The following MAP7 variants were observed in gnomAD, a reference collection of about 807,000 sequenced individuals.
The protein encoded by MAP7 is ensconsin.
Under a neutral mutation model 94.8 loss-of-function variants are expected in MAP7, and 52 were observed. The observed-to-expected ratio is 0.55, with a 90% CI of 0.44 to 0.69. The LOEUF (loss-of-function observed/expected upper bound fraction) is 0.69. Ranked by LOEUF, MAP7 falls within the 30% of genes least tolerant of loss-of-function variation. The pLI is 0.00. For missense variants in MAP7, 940 were observed against 964.6 expected, an observed-to-expected ratio of 0.97 and a Z score of 0.34; for synonymous variants, 350 against 357.0, an observed-to-expected ratio of 0.98 and a Z score of 0.22.
chr6:136,382,207 C>A (rs1245040842), intron 6 of MAP7, among the ~76,000 whole-genome samples: 1 of 152,178 alleles, frequency 6.6e-6, no homozygotes, highest in East Asian at 1.9e-4. Context: ...TTGATACAGA[C>A]AATTCAATGT....
Position 136,388,522 on chromosome 6 carries a change from T to G in MAP7, c.409-12A>C. ...GCTTCGTGGCGTTCCTTAGATGGAA[T>G]AGAAGAGCTGAGGATTAGATTCCAG... On this transcript the variant is annotated splice_polypyrimidine_tract_variant and intron_variant, in intron 4 of 17. Transcript: ENST00000354570. 1 of 1,605,822 alleles carries G rather than the reference T, an allele frequency of 6.2e-7. No homozygotes were observed. Among genetic ancestry groups the G allele is most frequent in the Non-Finnish European group, 8.5e-7 (1 of 1,172,556 alleles).
chr6:136,427,369 G>A (rs1793485614), intron 1 of MAP7, among the ~76,000 whole-genome samples: 1 of 152,228 alleles, frequency 6.6e-6, no homozygotes, highest in Non-Finnish European at 1.5e-5. Flanking sequence ...ACTGATTGAT[G>A]TTATTAATCT....
chr6:136,411,731 G>A (rs1787548942), intron 2 of MAP7, 34 bp from the exon 3 acceptor site: 5 of 1,401,120 alleles, frequency 3.6e-6, no homozygotes, highest in Admixed American at 2.5e-5. Flanking sequence ...ATGAGATGAA[G>A]AGTGGATTAA....
In MAP7 at chr6:136,537,139, CTCTT is replaced by C. The variant is rs1450692994; in HGVS notation, c.67+13199_67+13202del. 1.4e-3 allele frequency among the ~76,000 whole-genome samples: 204 copies of C among 150,070 alleles called. 1 individual carries two copies. The highest frequency in any genetic ancestry group is 4.2e-3 in the African/African-American group (173 of 40,928). On this transcript the variant is annotated intron_variant, in intron 1 of 17. Coordinates refer to ENST00000354570, the MANE Select transcript of MAP7 (RefSeq NM_003980.6). ...CACTTGCTTGATGGTTGGAAACTTTCTCTTTCTTTTTTTTTTTTTTAAACTTTGA... is the reference window on the plus strand; with the variant it reads ...CACTTGCTTGATGGTTGGAAACTTTCTCTTTTTTTTTTTTTTAAACTTTGA...
chr6:136,441,718 A>C (rs1307572986), intron 1 of MAP7, among the ~76,000 whole-genome samples: 1 of 152,148 alleles, frequency 6.6e-6, no homozygotes, highest in Non-Finnish European at 1.5e-5. Flanking sequence ...AGTGGTTACA[A>C]ATTCCAAACT....
intron 1 of MAP7, among the ~76,000 whole-genome samples, chr6:136,498,785 G>A (rs1583072464): frequency 1.3e-5 from 2 of 151,792 alleles, no homozygotes; most frequent in African/African-American, 2.4e-5. Context: ...AAAACCCAAC[G>A]AAGTTGACTT....
chr6:136,356,658 T>C, intron 16 of MAP7, 34 bp downstream of exon 16: 1 of 1,519,332 alleles, frequency 6.6e-7, no homozygotes, highest in South Asian at 1.1e-5. Context: ...AAAACAGTAA[T>C]GTTTTACTTT....
intron 1 of MAP7, among the ~76,000 whole-genome samples, chr6:136,491,366 C>A (rs762504556): frequency 6.6e-6 from 1 of 152,162 alleles, no homozygotes; most frequent in Non-Finnish European, 1.5e-5. Context: ...GCTGTTTGTG[C>A]AAAGACAGAT....
intron 1 of MAP7, among the ~76,000 whole-genome samples, chr6:136,544,681 A>G (rs1428267053): frequency 6.6e-6 from 1 of 152,044 alleles, no homozygotes; most frequent in Non-Finnish European, 1.5e-5. Context: ...CCTGACCTCT[A>G]TTTTTCTCTT....
chr6:136,444,868 A>G (rs1798861942), intron 1 of MAP7, among the ~76,000 whole-genome samples: 1 of 152,176 alleles, frequency 6.6e-6, no homozygotes, highest in Admixed American at 6.5e-5. Context: ...TGAAGCTTCA[A>G]TTCTGGGCCT....
chr6:136,351,930 G>A (rs1290318634), intron 16 of MAP7, among the ~76,000 whole-genome samples: 3 of 152,128 alleles, frequency 2.0e-5, no homozygotes, highest in Non-Finnish European at 4.4e-5. Context: ...GTGGCCAGCA[G>A]CCTCCCCCCA....
chr6:136,367,639 G>C (rs143415971), intron 8 of MAP7, among the ~76,000 whole-genome samples: 11 of 152,290 alleles, frequency 7.2e-5, no homozygotes, highest in Non-Finnish European at 1.3e-4. Flanking sequence ...AAAAAATGAA[G>C]AAAGAGGCAG....
intron 1 of MAP7, among the ~76,000 whole-genome samples, chr6:136,548,767 C>G (rs777193639): frequency 6.6e-6 from 1 of 152,240 alleles, no homozygotes; most frequent in Non-Finnish European, 1.5e-5. Context: ...TGAGCACAAA[C>G]TAACACTTAG....
At chr6:136,468,490 T>C (rs925784924) in intron 1 of MAP7, among the ~76,000 whole-genome samples, 1 of 152,188 alleles carries the variant, frequency 6.6e-6, no homozygotes, top group Non-Finnish European at 1.5e-5. Context: ...ATAAGCCCAT[T>C]ATAAGTTAAA....
At chr6:136,416,764 C>G (rs1789593034) in intron 2 of MAP7, among the ~76,000 whole-genome samples, 1 of 151,836 alleles carries the variant, frequency 6.6e-6, no homozygotes, top group Non-Finnish European at 1.5e-5. Context: ...CAAGATCGCA[C>G]CACTGCACTC....
rs773853765 is a variant in MAP7 at position 136,356,765 on chromosome 6, C to T, written c.1942G>A (p.Ala648Thr). Reference protein sequence around the residue: ...EVSALPCTTNAPGNGKPVGSP... With the variant: ...EVSALPCTTNTPGNGKPVGSP... ...CCAACTGGCTTTCCATTTCCCGGAG[C>T]GTTTGTTGTACATGGAAGTGCAGAC... is the stretch of plus-strand genomic sequence containing the variant. The change falls in exon 16 of 18, where the codon GCT (alanine) becomes ACT (threonine). Residue 648 changes from alanine to threonine, a missense_variant. Physicochemically the swap from Ala to Thr is moderately conservative, Grantham distance 58. Transcript: ENST00000354570. 1.1e-5 allele frequency: 17 copies of T among 1,613,932 alleles called. No homozygotes were observed. The highest frequency in any genetic ancestry group is 3.3e-5 in the Admixed American group (2 of 59,990).
chr6:136,474,917 T>A (rs971242641), intron 1 of MAP7, among the ~76,000 whole-genome samples: 1 of 152,130 alleles, frequency 6.6e-6, no homozygotes, highest in Admixed American at 6.5e-5. Context: ...GGTTTCACTA[T>A]GTTGCCCAGG....
At chr6:136,422,934 G>A (rs1290379002) in intron 1 of MAP7, among the ~76,000 whole-genome samples, 1 of 152,148 alleles carries the variant, frequency 6.6e-6, no homozygotes, top group African/African-American at 2.4e-5. Context: ...AGACAGACCT[G>A]GGTTCAAAAG....
intron 1 of MAP7, among the ~76,000 whole-genome samples, chr6:136,431,191 T>G (rs1359511134): frequency 1.3e-5 from 2 of 152,354 alleles, no homozygotes; most frequent in East Asian, 3.9e-4. Flanking sequence ...CACCATCACA[T>G]TTCTTTCTCT....
Sources: gnomAD v4.1 joint callset for allele counts (sites outside exome capture counted in the v4.1 genomes callset) on GRCh38, gnomAD v4.1.1 for gene constraint, MANE v1.5 for transcripts, NCBI Gene and HGNC (gene_info 2026-07-23, HGNC 2026-07-21) for gene names.